The following TRIM39 variants were observed in gnomAD, a reference collection of about 807,000 sequenced individuals.
TRIM39 encodes the protein E3 ubiquitin-protein ligase TRIM39.
In TRIM39, 5 loss-of-function variants were observed where a neutral mutation model predicts 53.6. The observed-to-expected ratio is 0.09, with a 90% CI of 0.05 to 0.20. The LOEUF is 0.20. Among genes scored for constraint, TRIM39 ranks in the 10% least tolerant of loss-of-function variants. TRIM39 has a pLI of 1.00. For missense variants in TRIM39, 310 were observed against 621.0 expected (o/e 0.50, Z 5.32); for synonymous variants, 196 against 237.6 (o/e 0.82, Z 1.61).
At chr6:30,331,678 C>T (rs999196872) in intron 4 of TRIM39, among the ~76,000 whole-genome samples, 3 of 152,136 alleles carry the variant, frequency 2.0e-5, no homozygotes, top group Non-Finnish European at 4.4e-5. Context: ...GAATGTTCTC[C>T]CCCTCCCCAT....
intron 5 of TRIM39, among the ~76,000 whole-genome samples, chr6:30,336,418 G>A (rs1409041406): frequency 9.9e-5 from 15 of 152,172 alleles, no homozygotes; most frequent in Admixed American, 7.9e-4. Flanking sequence ...TCAATAAAGC[G>A]AGTATCTTGA....
chr6:30,343,315 G>A (rs375533569), exon 8 of TRIM39: 18 of 152,666 alleles, frequency 1.2e-4, no homozygotes, highest in East Asian at 3.8e-4. Context: ...GGGCCAGATA[G>A]GCAACTTCAT....
intron 5 of TRIM39, 181 bp downstream of exon 5, chr6:30,336,156 C>T (rs1786833666): frequency 1.1e-6 from 1 of 896,210 alleles, no homozygotes; most frequent in Non-Finnish European, 1.8e-6. Flanking sequence ...CCCCTTCTAA[C>T]CATTTTTGTG....
Position 30,330,870 on chromosome 6 carries a change from G to C in TRIM39, c.543G>C (p.Glu181Asp), listed in dbSNP as rs561536307. The change falls in exon 4 of 8, where the codon GAG (glutamate) becomes GAC (aspartate). Residue 181 changes from glutamate to aspartate, a missense_variant. Coordinates refer to ENST00000396551, the Ensembl canonical transcript of TRIM39. ...CCTCTGAGGAGAAGAAGCCTGGTGA[G>C]CTCAAGGTAAAGGCAGGCAATCCCA... The C allele has an allele frequency of 1.5e-5, 25 of 1,614,072 alleles. No individual in the cohort carries two copies. The South Asian group carries it at 2.7e-4, about 18-fold the overall frequency.
chr6:30,338,499 T>G lies in TRIM39; in HGVS notation c.781-1409T>G, dbSNP rs556196495. 5.3e-5 allele frequency among the ~76,000 whole-genome samples: 8 copies of G among 151,704 alleles called. No homozygotes were observed. In the South Asian group the frequency reaches 1.0e-3, roughly 20 times the overall value. Reference sequence around the variant, plus strand: ...AGTGGATCAGTTAGAACACATAAAATATATTTATCGATTAAGTTGTTCGTC... The same window carrying G: ...AGTGGATCAGTTAGAACACATAAAAGATATTTATCGATTAAGTTGTTCGTC... On this transcript the variant is annotated intron_variant, in intron 5 of 7. Coordinates refer to ENST00000396551, the Ensembl canonical transcript of TRIM39. This position sits in a 1 kb window ranked among gnomAD's most constrained non-coding sequence, Gnocchi z 4.0.
chr6:30,342,145 C>T lies in TRIM39; in HGVS notation c.1353C>T (p.Tyr451=). Residue 451 remains tyrosine (Y), a synonymous_variant, in exon 8 of 8, where the codon TAC becomes TAT. Coordinates refer to ENST00000396551, the Ensembl canonical transcript of TRIM39. The surrounding 1 kb of genome is among the most constrained non-coding windows in gnomAD (Gnocchi z 4.7). ...ATGTCACAGACCGCTCTCATATCTA[C>T]ACCTTCACTGATACTTTTACTGAGA... 6.2e-7 allele frequency: 1 copy of T among 1,613,106 alleles called. No homozygotes were observed. Among genetic ancestry groups the T allele is most frequent in the East Asian group, 2.2e-5 (1 of 44,892 alleles).
chr6:30,335,987 GC>G lies in TRIM39; in HGVS notation c.780+16del. Reference sequence around the variant, plus strand: ...TCGAGATGCTTAAGGTTCGACCTTTGCCCCTGCATAGCCCCTCAGGCTGAGT... The same window carrying G: ...TCGAGATGCTTAAGGTTCGACCTTTGCCCTGCATAGCCCCTCAGGCTGAGT... On this transcript the variant is annotated intron_variant, in intron 5 of 7. Transcript: ENST00000396551. The surrounding 1 kb of genome is among the most constrained non-coding windows in gnomAD (Gnocchi z 4.7). 6.2e-7 allele frequency: 1 copy of G among 1,612,846 alleles called. No homozygotes were observed. Among genetic ancestry groups the G allele is most frequent in the Non-Finnish European group, 8.5e-7 (1 of 1,179,984 alleles).
chr6:30,326,684 T>C (rs1445437586), exon 1 of TRIM39: 1 of 152,576 alleles, frequency 6.6e-6, no homozygotes, highest in Non-Finnish European at 1.5e-5. Flanking sequence ...GGCCTGTATC[T>C]CCAGAGGATT....
In TRIM39 at chr6:30,338,812, A is replaced by G. The variant is rs531489387; in HGVS notation, c.781-1096A>G. 2.6e-5 allele frequency among the ~76,000 whole-genome samples: 4 copies of G among 152,272 alleles called. No individual in the cohort carries two copies. The highest frequency in any genetic ancestry group is 1.3e-4 in the Admixed American group (2 of 15,292). On this transcript the variant is annotated intron_variant, in intron 5 of 7. Coordinates refer to ENST00000396551, the Ensembl canonical transcript of TRIM39. The surrounding 1 kb of genome is among the most constrained non-coding windows in gnomAD (Gnocchi z 4.0). ...ATGAGGTATGCCTGAAATTGTTTAA[A>G]TAATATATTGCTTTTGATATGTATA...
chr6:30,341,321 A>G, intron 7 of TRIM39: 1 of 521,516 alleles, frequency 1.9e-6, no homozygotes. Context: ...TGGTCACCCT[A>G]TCCCTAGACC....
chr6:30,329,272 A>C, intron 2 of TRIM39, 39 bp from the exon 3 acceptor site: 1 of 1,539,404 alleles, frequency 6.5e-7, no homozygotes. Context: ...ACCTCCAATT[A>C]ATATTTTTAT....
At chr6:30,341,010 T>C (rs1271797878) in intron 7 of TRIM39, among the ~76,000 whole-genome samples, 2 of 152,000 alleles carry the variant, frequency 1.3e-5, no homozygotes, top group Non-Finnish European at 2.9e-5. Flanking sequence ...GAGTTCGACA[T>C]CAGCCTGGCC....
chr6:30,333,129 G>T (rs1786398707), intron 4 of TRIM39, among the ~76,000 whole-genome samples: 2 of 152,124 alleles, frequency 1.3e-5, no homozygotes, highest in African/African-American at 4.8e-5. Flanking sequence ...GACTGAGATG[G>T]ATGTGTGCCA....
chr6:30,340,392 G>C, intron 6 of TRIM39, 113 bp from the exon 7 acceptor site: 1 of 1,610,350 alleles, frequency 6.2e-7, no homozygotes. Context: ...GAAGAAAGTG[G>C]GAAGATGGAG....
chr6:30,335,963 C>T lies in TRIM39; in HGVS notation c.768C>T (p.Phe256=), dbSNP rs1786800596. The T allele has an allele frequency of 1.9e-6, 3 of 1,613,006 alleles. No homozygotes were observed. Among genetic ancestry groups the T allele is most frequent in the Non-Finnish European group, 2.5e-6 (3 of 1,180,030 alleles). Residue 256 remains phenylalanine, a synonymous_variant, in exon 5 of 8, where the codon TTC becomes TTT. Coordinates refer to ENST00000396551, the Ensembl canonical transcript of TRIM39. The surrounding 1 kb of genome is among the most constrained non-coding windows in gnomAD (Gnocchi z 4.7). Reference sequence around the variant, plus strand: ...AGGGCAAGTGCTTACAGTCAGGCTTCGAGATGCTTAAGGTTCGACCTTTGC... The same window carrying T: ...AGGGCAAGTGCTTACAGTCAGGCTTTGAGATGCTTAAGGTTCGACCTTTGC...
chr6:30,341,703 T>TC lies in TRIM39; in HGVS notation c.920-6dup. ...TCATCTAGCTCCCCACTCTGGCTTCTCCCGCCAGCGGATGTGACCCTGGAC... is the reference window on the plus strand; with the variant it reads ...TCATCTAGCTCCCCACTCTGGCTTCTCCCCGCCAGCGGATGTGACCCTGGAC... On this transcript the variant is annotated splice_polypyrimidine_tract_variant and intron_variant, in intron 7 of 7. Transcript: ENST00000396551. The TC allele has an allele frequency of 6.2e-7, 1 of 1,605,952 alleles. No individual in the cohort carries two copies. Among genetic ancestry groups the TC allele is most frequent in the Non-Finnish European group, 8.5e-7 (1 of 1,176,254 alleles).
Position 30,342,447 on chromosome 6 carries a change from G to A in TRIM39, c.*188G>A, listed in dbSNP as rs1017019187. On this transcript the variant is annotated 3_prime_UTR_variant, in exon 8 of 8. Transcript: ENST00000396551. The surrounding 1 kb of genome is among the most constrained non-coding windows in gnomAD (Gnocchi z 4.7). ...GGACTGGGCTGGATGAGAGAGCACA[G>A]CTGTGACTTCCTCCTAACTGTCAGG... 9 of 629,682 alleles carry A rather than the reference G, an allele frequency of 1.4e-5. No homozygotes were observed. The highest frequency in any genetic ancestry group is 2.5e-5 in the Non-Finnish European group (9 of 363,370). 39.0% of individuals were successfully genotyped at this position (629,682 alleles called of 1,614,324 possible). A position where few individuals can be genotyped will look rare whatever the true frequency, so the allele number is the denominator to read the frequency against.
chr6:30,341,518 G>T, intron 7 of TRIM39, 194 bp from the exon 8 acceptor site: 1 of 858,340 alleles, frequency 1.2e-6, no homozygotes, highest in Non-Finnish European at 1.9e-6. Context: ...TTACTTTAGG[G>T]TCAGGGTGAG....
At chr6:30,341,327 A>G (rs1176560034) in intron 7 of TRIM39, 1 of 531,902 alleles carries the variant, frequency 1.9e-6, no homozygotes, top group African/African-American at 1.9e-5. Flanking sequence ...CCCTATCCCT[A>G]GACCATATGC....
Sources: gnomAD v4.1 joint callset for allele counts (sites outside exome capture counted in the v4.1 genomes callset) on GRCh38, gnomAD v4.1.1 for gene constraint, Gnocchi (gnomAD v3.1) non-coding constraint, MANE v1.5 for transcripts, NCBI Gene and HGNC (gene_info 2026-07-23, HGNC 2026-07-21) for gene names.